The following TEX11 variants were observed in gnomAD, a reference collection of about 807,000 sequenced individuals.
TEX11 encodes the protein testis-expressed protein 11.
TEX11 carries 7 observed loss-of-function variants against 84.4 expected under a neutral mutation model. That is an observed-to-expected ratio of 0.08 (90% CI 0.05 to 0.16). TEX11 has a LOEUF of 0.16. Among genes scored for constraint, TEX11 ranks in the 10% least tolerant of loss-of-function variants. The pLI is 1.00. For synonymous variants in TEX11, 264 were observed against 222.8 expected, an observed-to-expected ratio of 1.18 and a Z score of -1.64; for missense variants, 551 against 660.5, an observed-to-expected ratio of 0.83 and a Z score of 1.82.
intron 15 of TEX11, among the ~76,000 whole-genome samples, chrX:70,675,414 G>A (rs2090061947): frequency 9.0e-6 from 1 of 111,219 alleles, no homozygotes; most frequent in South Asian, 3.8e-4. Context: ...AAAACACATA[G>A]CATAAAATTG....
chrX:70,820,023 C>A (rs1438154162), intron 8 of TEX11, among the ~76,000 whole-genome samples: 4 of 111,774 alleles, frequency 3.6e-5, no homozygotes, highest in Non-Finnish European at 7.5e-5. Flanking sequence ...CAATGTAATA[C>A]TATCAAAATC....
intron 13 of TEX11, among the ~76,000 whole-genome samples, chrX:70,693,451 A>G (rs2090254000): frequency 8.9e-6 from 1 of 111,858 alleles, no homozygotes; most frequent in South Asian, 3.7e-4. Context: ...AAATTCCCTC[A>G]TTTACAAAAA....
rs189893724 is a variant in TEX11, at chrX:70,593,492, G to A, written c.2068-1669C>T. Among the ~76,000 whole-genome samples the A allele has an allele frequency of 3.6e-4, 40 of 111,873 alleles. 1 individual carries two copies. The highest frequency in any genetic ancestry group is 3.4e-3 in the Admixed American group (36 of 10,502). ...AAATTACAAGATATGCAAAGAGACA[G>A]GAAAGTGTGACTTCTACATAGGAAA... On this transcript the variant is annotated intron_variant, in intron 24 of 29. Coordinates refer to ENST00000374333, the MANE Select transcript of TEX11 (RefSeq NM_031276.3).
intron 13 of TEX11, among the ~76,000 whole-genome samples, chrX:70,694,311 G>A (rs1261508337): frequency 9.0e-6 from 1 of 111,649 alleles, no homozygotes; most frequent in African/African-American, 3.3e-5. Context: ...CCAAAGTGCT[G>A]CTATTACAAG....
chrX:70,881,005 CAAAAAAA>C (rs11284342), intron 2 of TEX11, among the ~76,000 whole-genome samples: 984 of 46,243 alleles, frequency 0.021, 8 homozygotes, highest in African/African-American at 0.034. Context: ...AGACATCATC[CAAAAAAA>C]AAAAAAAAAA....
chrX:70,584,061 T>G (rs941087292), intron 25 of TEX11, among the ~76,000 whole-genome samples: 2 of 107,015 alleles, frequency 1.9e-5, no homozygotes, highest in African/African-American at 3.4e-5. Context: ...GGGTGGATCA[T>G]GAGGTCAGGA....
At chrX:70,592,643 A>C (rs773285613) in intron 24 of TEX11, among the ~76,000 whole-genome samples, 3 of 111,284 alleles carry the variant, frequency 2.7e-5, no homozygotes, top group Non-Finnish European at 5.7e-5. Flanking sequence ...TGGGAGCAGC[A>C]AGCCAAGACT....
Position 70,809,788 on chromosome X carries a change from C to T in TEX11, c.607-2998G>A, listed in dbSNP as rs1329158172. 5.4e-5 allele frequency among the ~76,000 whole-genome samples: 6 copies of T among 110,797 alleles called. No homozygotes were observed. In the East Asian group the frequency reaches 1.4e-3, roughly 26 times the overall value. ...CTCGGCTCACTGCAACCTCTGCCTCCGAGGTTCAACCCATTCTCGTGCCTC... is the reference window on the plus strand; with the variant it reads ...CTCGGCTCACTGCAACCTCTGCCTCTGAGGTTCAACCCATTCTCGTGCCTC... On this transcript the variant is annotated intron_variant, in intron 8 of 29. Transcript: ENST00000374333.
At chrX:70,569,980 CTTTG>C (rs1455056924) in intron 25 of TEX11, among the ~76,000 whole-genome samples, 2 of 111,950 alleles carry the variant, frequency 1.8e-5, no homozygotes, top group Non-Finnish European at 3.8e-5. Flanking sequence ...TTATTGCTGT[CTTTG>C]TTTGTCTGTG....
chrX:70,622,011 A>G (rs2089400971), intron 20 of TEX11, among the ~76,000 whole-genome samples: 1 of 111,331 alleles, frequency 9.0e-6, no homozygotes, highest in South Asian at 3.8e-4. Context: ...TTAGCATATG[A>G]GTTGTTAGTA....
chrX:70,539,038 A>ATTTTTTTT lies in TEX11; in HGVS notation c.2521-9047_2521-9040dup, dbSNP rs775537536. On this transcript the variant is annotated intron_variant, in intron 28 of 29. Transcript: ENST00000374333. ...CTTGGAAATATATATATATATATAT[A>ATTTTTTTT]TTTTTTTTTTTTTTAAGATGGAGTC... Among the ~76,000 whole-genome samples, 122 of 41,245 alleles carry ATTTTTTTT rather than the reference A, an allele frequency of 3.0e-3. 1 individual carries two copies. The highest frequency in any genetic ancestry group is 0.011 in the African/African-American group (117 of 10,890). The allele number at this position is 41,245 out of a possible 115,157, so 35.8% of individuals were successfully genotyped here. A position where few individuals can be genotyped will look rare whatever the true frequency, so the allele number is the denominator to read the frequency against.
chrX:70,517,652 G>T, the TEX11 span, among the ~76,000 whole-genome samples: 1 of 111,448 alleles, frequency 9.0e-6, no homozygotes, highest in Non-Finnish European at 1.9e-5. Flanking sequence ...GAGTTACGGA[G>T]GATTCCTTCT....
intron 2 of TEX11, chrX:70,897,415 C>T (rs1263379536): frequency 9.6e-6 from 1 of 104,152 alleles, no homozygotes; most frequent in East Asian, 3.0e-4. Flanking sequence ...TATGGTAAAA[C>T]CCCGTCTCTA....
At chrX:70,547,244 G>A (rs1187405376) in intron 28 of TEX11, among the ~76,000 whole-genome samples, 1 of 110,392 alleles carries the variant, frequency 9.1e-6, no homozygotes, top group Admixed American at 9.8e-5. Flanking sequence ...AGAATTGTCT[G>A]CAAATGGGCA....
In TEX11 at chrX:70,551,834, C is replaced by G. The variant is rs777802218; in HGVS notation, c.2520+292G>C. Among the ~76,000 whole-genome samples, 6 of 111,729 alleles carry G rather than the reference C, an allele frequency of 5.4e-5. No individual in the cohort carries two copies. The South Asian group carries it at 2.2e-3, about 42-fold the overall frequency. ...ACTTTTTTCAAAAGGTTCATATCAT[C>G]ACAGAGAAAGTAATCATCCCACCAT... On this transcript the variant is annotated intron_variant, in intron 28 of 29. Transcript: ENST00000374333.
At chrX:70,638,470 G>C (rs949448242) in intron 17 of TEX11, among the ~76,000 whole-genome samples, 1 of 111,427 alleles carries the variant, frequency 9.0e-6, no homozygotes, top group Non-Finnish European at 1.9e-5. Context: ...ACCCAGACTT[G>C]TCTTACTAGA....
At chrX:70,660,503 T>C (rs768865034) in intron 16 of TEX11, among the ~76,000 whole-genome samples, 1 of 111,870 alleles carries the variant, frequency 8.9e-6, no homozygotes, top group East Asian at 2.8e-4. Context: ...TCAAACTTTT[T>C]GTTAAAAACT....
At chrX:70,513,220 G>A in the TEX11 span, among the ~76,000 whole-genome samples, 1 of 106,006 alleles carries the variant, frequency 9.4e-6, no homozygotes, top group Non-Finnish European at 1.9e-5. Flanking sequence ...AGGCGTGGTG[G>A]GGGGTGCCTG....
At chrX:70,556,672 T>C (rs746326378) in intron 25 of TEX11, among the ~76,000 whole-genome samples, 19 of 111,694 alleles carry the variant, frequency 1.7e-4, no homozygotes, top group African/African-American at 6.2e-4. Context: ...GTCTTCTACA[T>C]CTTTATTGAG....
Sources: gnomAD v4.1 joint callset for allele counts (sites outside exome capture counted in the v4.1 genomes callset) on GRCh38, gnomAD v4.1.1 for gene constraint, MANE v1.5 for transcripts, NCBI Gene and HGNC (gene_info 2026-07-23, HGNC 2026-07-21) for gene names.